Variants in GPC5 observed in about 807,000 individuals in gnomAD.
GPC5 encodes glypican 5.
In GPC5, 47 loss-of-function variants were observed where a neutral mutation model predicts 53.9. The observed-to-expected ratio is 0.87, with a 90% CI of 0.69 to 1.11. The LOEUF is 1.11. Among genes scored for constraint, GPC5 ranks in the 50% most tolerant of loss-of-function variants. GPC5 has a pLI of 0.00. For missense variants in GPC5, 748 were observed against 713.1 expected, an observed-to-expected ratio of 1.05 and a Z score of -0.56; for synonymous variants, 286 against 263.3, an observed-to-expected ratio of 1.09 and a Z score of -0.84.
chr13:91,507,972 A>G (rs1885031641), intron 2 of GPC5, among the ~76,000 whole-genome samples: 1 of 152,212 alleles, frequency 6.6e-6, no homozygotes, highest in Non-Finnish European at 1.5e-5. Flanking sequence ...AATGATACTA[A>G]AATAATATAT....
intron 7 of GPC5, among the ~76,000 whole-genome samples, chr13:92,697,931 T>G (rs984668496): frequency 4.6e-5 from 7 of 152,202 alleles, no homozygotes; most frequent in Non-Finnish European, 1.0e-4. Context: ...GTCTAAGGCC[T>G]TTACTGTATC....
intron 7 of GPC5, among the ~76,000 whole-genome samples, chr13:92,743,748 G>T (rs879600348): frequency 1.8e-4 from 28 of 152,078 alleles, no homozygotes; most frequent in Non-Finnish European, 3.1e-4. Context: ...TTATTATTTT[G>T]ATATTCGTCC....
At chr13:92,211,274 T>C (rs191452991) in intron 7 of GPC5, among the ~76,000 whole-genome samples, 10 of 152,256 alleles carry the variant, frequency 6.6e-5, no homozygotes, top group Admixed American at 5.2e-4. Flanking sequence ...GCACAATGGG[T>C]GTTTTATATG....
chr13:91,694,907 C>A (rs1170504219), intron 3 of GPC5, among the ~76,000 whole-genome samples: 1 of 152,176 alleles, frequency 6.6e-6, no homozygotes, highest in African/African-American at 2.4e-5. Flanking sequence ...CCGCGCCCAG[C>A]GATTTCATTA....
At chr13:91,511,107 T>C (rs908503195) in intron 2 of GPC5, among the ~76,000 whole-genome samples, 2 of 152,172 alleles carry the variant, frequency 1.3e-5, no homozygotes, top group African/African-American at 4.8e-5. Context: ...TTTGAGTTTG[T>C]AGTTAAATGA....
intron 7 of GPC5, among the ~76,000 whole-genome samples, chr13:92,588,225 T>C (rs945745694): frequency 3.3e-5 from 5 of 152,194 alleles, no homozygotes; most frequent in African/African-American, 1.2e-4. Context: ...GGTTTCCAGC[T>C]TCATCCATGT....
chr13:91,861,042 A>C (rs542940221), intron 5 of GPC5, among the ~76,000 whole-genome samples: 1 of 152,240 alleles, frequency 6.6e-6, no homozygotes, highest in South Asian at 2.1e-4. Context: ...GTCTTATGTC[A>C]TTGATTTCGA....
chr13:92,558,327 C>T (rs374202987), intron 7 of GPC5, among the ~76,000 whole-genome samples: 1 of 151,922 alleles, frequency 6.6e-6, no homozygotes, highest in Non-Finnish European at 1.5e-5. Context: ...TTAATTTATG[C>T]ATTTTCTAAT....
chr13:92,700,100 A>G (rs1887680234), intron 7 of GPC5, among the ~76,000 whole-genome samples: 1 of 152,090 alleles, frequency 6.6e-6, no homozygotes, highest in Non-Finnish European at 1.5e-5. Flanking sequence ...TGCTTTATGA[A>G]TCTGGGTGCT....
At chr13:92,300,601 G>C (rs2043069013) in intron 7 of GPC5, among the ~76,000 whole-genome samples, 1 of 152,184 alleles carries the variant, frequency 6.6e-6, no homozygotes, top group Non-Finnish European at 1.5e-5. Context: ...ATAGGCAGTG[G>C]TGAGAATTAG....
chr13:92,098,159 C>T (rs1028098717), intron 6 of GPC5, among the ~76,000 whole-genome samples: 1 of 152,148 alleles, frequency 6.6e-6, no homozygotes, highest in Non-Finnish European at 1.5e-5. Flanking sequence ...CTCTCCCTCA[C>T]ACACTCCACC....
chr13:92,179,160 A>G (rs1299830658), intron 7 of GPC5, among the ~76,000 whole-genome samples: 1 of 152,140 alleles, frequency 6.6e-6, no homozygotes, highest in Non-Finnish European at 1.5e-5. Flanking sequence ...GTAAAAACGA[A>G]CTGACATTTT....
At chr13:92,436,663 T>C (rs1020067682) in intron 7 of GPC5, among the ~76,000 whole-genome samples, 3 of 152,178 alleles carry the variant, frequency 2.0e-5, no homozygotes, top group Non-Finnish European at 4.4e-5. Flanking sequence ...CTTTTTGAAA[T>C]GTTGTATTCA....
chr13:91,759,217 C>T (rs2037358287), intron 5 of GPC5, among the ~76,000 whole-genome samples: 1 of 151,936 alleles, frequency 6.6e-6, no homozygotes, highest in African/African-American at 2.4e-5. Flanking sequence ...ATGACTCAGT[C>T]AATTCTTTAT....
chr13:92,062,468 A>T (rs1010933856), intron 6 of GPC5, among the ~76,000 whole-genome samples: 1 of 152,108 alleles, frequency 6.6e-6, no homozygotes, highest in East Asian at 1.9e-4. Context: ...GGATGTTGTC[A>T]TCTTTTATGT....
chr13:92,715,720 A>C (rs1261379451), intron 7 of GPC5, among the ~76,000 whole-genome samples: 1 of 152,218 alleles, frequency 6.6e-6, no homozygotes, highest in African/African-American at 2.4e-5. Context: ...ACAGTAGAGA[A>C]AATACAGATA....
At position 91,727,456 on chromosome 13, in the gene GPC5, CA is replaced by C. The variant is rs533917612; in HGVS notation, c.1021-1074del. Among the ~76,000 whole-genome samples, 105 of 152,310 alleles carry C rather than the reference CA, an allele frequency of 6.9e-4. 1 individual carries two copies. The highest frequency in any genetic ancestry group is 1.9e-3 in the Admixed American group (29 of 15,300). The stretch of plus-strand genomic sequence containing the variant: ...CCTTTATTTCTTCCCTCTTAAATTA[CA>C]AGCTCTATTAGGAGAAACTTTAGTT... On this transcript the variant is annotated intron_variant, in intron 3 of 7. Transcript: ENST00000377067.
chr13:92,456,883 T>C (rs1382734106), intron 7 of GPC5, among the ~76,000 whole-genome samples: 1 of 152,182 alleles, frequency 6.6e-6, no homozygotes, highest in Non-Finnish European at 1.5e-5. Flanking sequence ...AAAGTGTACA[T>C]GTGCATGTTT....
In GPC5 at chr13:92,697,416, C is replaced by A. The variant is rs554983887; in HGVS notation, c.1562-168866C>A. Reference sequence around the variant, plus strand: ...TTCTCCTTGAAGAGGTACTTCACAACCCTTGTAAATTGTATTCCTAGGTAT... The same window carrying A: ...TTCTCCTTGAAGAGGTACTTCACAAACCTTGTAAATTGTATTCCTAGGTAT... On this transcript the variant is annotated intron_variant, in intron 7 of 7. Transcript: ENST00000377067. Among the ~76,000 whole-genome samples, 28 of 152,226 alleles carry A rather than the reference C, an allele frequency of 1.8e-4. No individual in the cohort carries two copies. In the East Asian group the frequency reaches 5.4e-3, roughly 29 times the overall value.
Sources: allele counts gnomAD v4.1 joint callset (sites outside exome capture counted in the v4.1 genomes callset), GRCh38; gene constraint gnomAD v4.1.1; transcripts MANE v1.5; gene names NCBI Gene and HGNC (gene_info 2026-07-23, HGNC 2026-07-21).